The following RGS7 variants were observed in gnomAD, a reference collection of about 807,000 sequenced individuals.
RGS7 encodes regulator of G-protein signaling 7.
RGS7 carries 27 observed loss-of-function variants against 81.1 expected under a neutral mutation model. That is an observed-to-expected ratio of 0.33 (90% CI 0.25 to 0.46). The LOEUF (loss-of-function observed/expected upper bound fraction) is 0.46, where lower values mean the gene tolerates loss of function less well. Among genes scored for constraint, RGS7 ranks in the 20% least tolerant of loss-of-function variants. The pLI, the probability that RGS7 is intolerant of heterozygous loss-of-function variation, is 1.00. For missense variants in RGS7, 396 were observed against 607.4 expected, an observed-to-expected ratio of 0.65 and a Z score of 3.66; for synonymous variants, 208 against 207.7, an observed-to-expected ratio of 1.00 and a Z score of -0.01.
chr1:240,782,957 T>C (rs1017003501), intron 18 of RGS7, among the ~76,000 whole-genome samples: 20 of 152,200 alleles, frequency 1.3e-4, no homozygotes, highest in Admixed American at 7.2e-4. Flanking sequence ...AAGACAAATA[T>C]ACTCAGAACA....
chr1:241,134,849 A>G (rs1156716686), intron 2 of RGS7, among the ~76,000 whole-genome samples: 1 of 152,108 alleles, frequency 6.6e-6, no homozygotes, highest in Admixed American at 6.5e-5. Context: ...CCCAGTCCCA[A>G]GGCGCAAGGC....
At chr1:241,011,056 A>C (rs1350690253) in intron 3 of RGS7, among the ~76,000 whole-genome samples, 2 of 152,214 alleles carry the variant, frequency 1.3e-5, no homozygotes, top group African/African-American at 2.4e-5. Context: ...CTCTAGTGAA[A>C]TAAAAAGAAA....
At chr1:240,831,252 G>A (rs1199249211) in intron 9 of RGS7, among the ~76,000 whole-genome samples, 2 of 152,054 alleles carry the variant, frequency 1.3e-5, no homozygotes, top group Admixed American at 6.5e-5. Flanking sequence ...TGATATCTAA[G>A]TCAACTAGGA....
chr1:240,803,608 C>T (rs1403190628), intron 15 of RGS7, among the ~76,000 whole-genome samples: 1 of 151,722 alleles, frequency 6.6e-6, no homozygotes, highest in Non-Finnish European at 1.5e-5. Flanking sequence ...AATAGTTGAT[C>T]ATTTGCCCCT....
At chr1:240,852,450 T>C (rs1042977920) in intron 9 of RGS7, among the ~76,000 whole-genome samples, 1 of 152,214 alleles carries the variant, frequency 6.6e-6, no homozygotes, top group Non-Finnish European at 1.5e-5. Flanking sequence ...ATTGTGATAT[T>C]TGCTTTATTT....
chr1:240,914,068 C>A (rs971473662), intron 6 of RGS7, among the ~76,000 whole-genome samples: 2 of 133,304 alleles, frequency 1.5e-5, no homozygotes, highest in Admixed American at 8.4e-5. Context: ...CCCCCTCCCC[C>A]CACCCCACAA....
intron 6 of RGS7, among the ~76,000 whole-genome samples, chr1:240,906,834 C>T (rs551509735): frequency 6.6e-6 from 1 of 152,152 alleles, no homozygotes; most frequent in Non-Finnish European, 1.5e-5. Flanking sequence ...TCACATAAAA[C>T]ACAGCTTCAC....
chr1:241,256,969 G>A (rs941016566), intron 2 of RGS7, among the ~76,000 whole-genome samples: 1 of 150,354 alleles, frequency 6.7e-6, no homozygotes. Context: ...ACACGTGTGT[G>A]TATCTATATA....
chr1:241,271,289 C>T lies in RGS7; in HGVS notation c.78+84410G>A, dbSNP rs142592686. On this transcript the variant is annotated intron_variant, in intron 2 of 18. Transcript: ENST00000440928. This position sits in a 1 kb window ranked among gnomAD's most constrained non-coding sequence, Gnocchi z 4.6. The stretch of plus-strand genomic sequence containing the variant: ...CCTCCAAGTTTCCTGACATACTTGA[C>T]GGGGGAGACTGGTGTCACATGAGGA... 1.0e-3 allele frequency among the ~76,000 whole-genome samples: 155 copies of T among 152,236 alleles called. 1 individual carries two copies. Among genetic ancestry groups the T allele is most frequent in the African/African-American group, 3.5e-3 (144 of 41,538 alleles).
At chr1:240,840,025 T>C (rs953776588) in intron 9 of RGS7, among the ~76,000 whole-genome samples, 1 of 152,136 alleles carries the variant, frequency 6.6e-6, no homozygotes, top group Non-Finnish European at 1.5e-5. Flanking sequence ...CCACCCTCAC[T>C]GTTACCACCC....
At chr1:241,033,178 C>T (rs2060164541) in intron 3 of RGS7, among the ~76,000 whole-genome samples, 1 of 152,122 alleles carries the variant, frequency 6.6e-6, no homozygotes, top group African/African-American at 2.4e-5. Flanking sequence ...TGGTGAAACC[C>T]CATCTCTACT....
chr1:241,014,193 C>A (rs1229953045), intron 3 of RGS7, among the ~76,000 whole-genome samples: 1 of 152,152 alleles, frequency 6.6e-6, no homozygotes, highest in Non-Finnish European at 1.5e-5. Context: ...TCTTTCACAA[C>A]CTTTCATTTT....
chr1:240,918,546 TA>T (rs1672968547), intron 6 of RGS7, among the ~76,000 whole-genome samples: 1 of 152,008 alleles, frequency 6.6e-6, no homozygotes, highest in Non-Finnish European at 1.5e-5. Flanking sequence ...TATTTCAAGC[TA>T]AATGAAAATG....
intron 2 of RGS7, among the ~76,000 whole-genome samples, chr1:241,350,842 C>A (rs2083203680): frequency 6.6e-6 from 1 of 151,794 alleles, no homozygotes; most frequent in African/African-American, 2.4e-5. Flanking sequence ...GATGGGCAGT[C>A]CTGCACTGAC....
In RGS7 at chr1:241,164,485, A is replaced by G. The variant is rs1250171733; in HGVS notation, c.79-65723T>C. Among the ~76,000 whole-genome samples, 1 of 152,120 alleles carries G rather than the reference A, an allele frequency of 6.6e-6. No homozygotes were observed. The highest frequency in any genetic ancestry group is 1.9e-4 in the East Asian group (1 of 5,184). ...GCCAGCCATCAGCCAACTCATTAGCATACAAAAAGACATCACTTCGGAGAT... is the reference window on the plus strand; with the variant it reads ...GCCAGCCATCAGCCAACTCATTAGCGTACAAAAAGACATCACTTCGGAGAT... On this transcript the variant is annotated intron_variant, in intron 2 of 18. Coordinates refer to ENST00000440928, the MANE Select transcript of RGS7 (RefSeq NM_001364886.1). This position sits in a 1 kb window ranked among gnomAD's most constrained non-coding sequence, Gnocchi z 4.1.
intron 2 of RGS7, among the ~76,000 whole-genome samples, chr1:241,300,783 T>C (rs1166133071): frequency 2.0e-5 from 3 of 152,232 alleles, no homozygotes; most frequent in African/African-American, 7.2e-5. Flanking sequence ...CCAAGGATTG[T>C]AATGTCTTGA....
At chr1:240,886,453 C>T in intron 6 of RGS7, among the ~76,000 whole-genome samples, 1 of 152,156 alleles carries the variant, frequency 6.6e-6, no homozygotes. Context: ...TAACTGTATC[C>T]AACCCTGTGG....
intron 2 of RGS7, among the ~76,000 whole-genome samples, chr1:241,221,838 G>C (rs2075033303): frequency 6.6e-6 from 1 of 152,066 alleles, no homozygotes; most frequent in African/African-American, 2.4e-5. Context: ...TTATAGACTT[G>C]CTAGCCTCCA....
chr1:241,194,967 T>C (rs568189940), intron 2 of RGS7, among the ~76,000 whole-genome samples: 2 of 152,316 alleles, frequency 1.3e-5, no homozygotes, highest in South Asian at 4.1e-4. Context: ...CAAGTGAGTG[T>C]AAACAGAAAA....
Sources: allele counts gnomAD v4.1 joint callset (sites outside exome capture counted in the v4.1 genomes callset), GRCh38; gene constraint gnomAD v4.1.1; non-coding constraint Gnocchi (gnomAD v3.1); transcripts MANE v1.5; gene names NCBI Gene and HGNC (gene_info 2026-07-23, HGNC 2026-07-21).